TAOK3: variants seen among roughly 807,000 people sequenced by gnomAD.
TAOK3 encodes the protein TAO kinase 3.
TAOK3 carries 40 observed loss-of-function variants against 120.4 expected under a neutral mutation model. That is an observed-to-expected ratio of 0.33 (90% confidence interval 0.26 to 0.43). The LOEUF is 0.43. TAOK3 is among the 20% of genes least tolerant of loss of function. TAOK3 has a pLI of 1.00. For synonymous variants in TAOK3, 355 were observed against 387.5 expected (o/e 0.92, Z 0.99); for missense variants, 821 against 1,112.1 (o/e 0.74, Z 3.72).
chr12:118,197,155 T>G (rs925140568), intron 13 of TAOK3, among the ~76,000 whole-genome samples: 1 of 152,214 alleles, frequency 6.6e-6, no homozygotes, highest in Non-Finnish European at 1.5e-5. Context: ...TTCATATATA[T>G]TCTATTTTTT....
intron 1 of TAOK3, among the ~76,000 whole-genome samples, chr12:118,289,964 A>T (rs2042411910): frequency 6.6e-6 from 1 of 151,902 alleles, no homozygotes; most frequent in African/African-American, 2.4e-5. Flanking sequence ...ATTGCACTCC[A>T]GCCTGGGCAA....
intron 1 of TAOK3, among the ~76,000 whole-genome samples, chr12:118,269,509 T>A (rs1219345788): frequency 6.6e-6 from 1 of 151,496 alleles, no homozygotes; most frequent in Non-Finnish European, 1.5e-5. Flanking sequence ...TAGCTGGGAT[T>A]ACAGGCGTGC....
intron 1 of TAOK3, among the ~76,000 whole-genome samples, chr12:118,363,084 C>T (rs1249640216): frequency 7.0e-6 from 1 of 143,222 alleles, no homozygotes; most frequent in African/African-American, 2.6e-5. Flanking sequence ...CTTTCAAATA[C>T]CAATCTGATA....
intron 17 of TAOK3, among the ~76,000 whole-genome samples, chr12:118,169,452 G>C (rs1055635794): frequency 4.7e-5 from 7 of 149,838 alleles, no homozygotes; most frequent in Admixed American, 1.3e-4. Flanking sequence ...GAGTAGCTGG[G>C]ATTACAGGCG....
At chr12:118,362,420 T>TG (rs2045627229) in intron 1 of TAOK3, among the ~76,000 whole-genome samples, 1 of 151,668 alleles carries the variant, frequency 6.6e-6, no homozygotes, top group Non-Finnish European at 1.5e-5. Flanking sequence ...AAAGCCATCC[T>TG]GGGGTGCATG....
chr12:118,253,510 G>A (rs988840110), intron 3 of TAOK3, among the ~76,000 whole-genome samples: 4 of 151,874 alleles, frequency 2.6e-5, no homozygotes, highest in African/African-American at 9.7e-5. Context: ...GGCCGAGACG[G>A]GTAGATCACC....
intron 15 of TAOK3, among the ~76,000 whole-genome samples, chr12:118,180,664 G>A (rs531668518): frequency 1.3e-3 from 195 of 152,152 alleles, no homozygotes; most frequent in Non-Finnish European, 2.6e-3. Context: ...CTGTAGGCAG[G>A]GATTATCACT....
At position 118,161,354 on chromosome 12, in the gene TAOK3, A is replaced by G. The variant is rs1800937555; in HGVS notation, c.2139+434T>C. Among the ~76,000 whole-genome samples the G allele has an allele frequency of 6.6e-6, 1 of 152,064 alleles. No homozygotes were observed. On this transcript the variant is annotated intron_variant, in intron 18 of 20. Coordinates refer to ENST00000392533, the MANE Select transcript of TAOK3 (RefSeq NM_016281.4). This position sits in a 1 kb window ranked among gnomAD's most constrained non-coding sequence, Gnocchi z 4.5. ...ACTTATAGATTCATTCCTGATGACCATGACAGACATCACTAATAAATGACA... is the reference window on the plus strand; with the variant it reads ...ACTTATAGATTCATTCCTGATGACCGTGACAGACATCACTAATAAATGACA...
At chr12:118,366,847 T>A (rs1289792730) in intron 1 of TAOK3, among the ~76,000 whole-genome samples, 6 of 152,156 alleles carry the variant, frequency 3.9e-5, no homozygotes. Flanking sequence ...CCCAGCACTC[T>A]GGGAGGCTGA....
intron 9 of TAOK3, among the ~76,000 whole-genome samples, chr12:118,229,169 C>T (rs61945188): frequency 0.12 from 18,392 of 151,456 alleles, 1,201 homozygotes; most frequent in Middle Eastern, 0.15. Flanking sequence ...GGCGCAATCT[C>T]GGCTCACTGC....
chr12:118,340,176 A>G (rs1460425534), intron 1 of TAOK3, among the ~76,000 whole-genome samples: 1 of 152,230 alleles, frequency 6.6e-6, no homozygotes, highest in Non-Finnish European at 1.5e-5. Context: ...ATTTCTGTGT[A>G]TATATACATG....
At position 118,152,137 on chromosome 12, in the gene TAOK3, TCTAA is replaced by T. The variant is rs962869501; in HGVS notation, c.2535+86_2535+89del. On this transcript the variant is annotated intron_variant, in intron 20 of 20. Transcript: ENST00000392533. ...TAAGTGAAAAGTGCCCAGTTTAATC[TCTAA>T]CTAAGGAAGGCTGCATATATGGCAG... The T allele has an allele frequency of 1.7e-5, 21 of 1,271,852 alleles. No homozygotes were observed. The East Asian group carries it at 2.1e-4, about 13-fold the overall frequency. The allele number at this position is 1,271,852 out of a possible 1,614,324, so 78.8% of individuals were successfully genotyped here.
intron 17 of TAOK3, 140 bp downstream of exon 17, chr12:118,172,317 T>C: frequency 1.2e-6 from 1 of 838,846 alleles, no homozygotes; most frequent in South Asian, 1.7e-5. Flanking sequence ...TTTTTTTGTA[T>C]ACCTACTCTG....
chr12:118,155,216 G>A (rs919239881), intron 19 of TAOK3, among the ~76,000 whole-genome samples: 3 of 151,902 alleles, frequency 2.0e-5, no homozygotes, highest in Non-Finnish European at 4.4e-5. Flanking sequence ...GGCTGGTCTC[G>A]AACTCCTGAC....
chr12:118,336,298 T>G (rs1033015414), intron 1 of TAOK3, among the ~76,000 whole-genome samples: 1 of 152,192 alleles, frequency 6.6e-6, no homozygotes, highest in Non-Finnish European at 1.5e-5. Flanking sequence ...TACACGGATA[T>G]GTCCATCTGA....
intron 1 of TAOK3, among the ~76,000 whole-genome samples, chr12:118,330,049 A>G (rs748886654): frequency 6.6e-6 from 1 of 152,230 alleles, no homozygotes; most frequent in Non-Finnish European, 1.5e-5. Context: ...GGAAAAATAC[A>G]TCAGGGGTTC....
At chr12:118,305,329 A>G (rs1052708133) in intron 1 of TAOK3, among the ~76,000 whole-genome samples, 3 of 152,124 alleles carry the variant, frequency 2.0e-5, no homozygotes, top group African/African-American at 7.2e-5. Flanking sequence ...AAAAATACAA[A>G]AATTAGCCGG....
intron 1 of TAOK3, among the ~76,000 whole-genome samples, chr12:118,275,211 T>C (rs2041863721): frequency 6.6e-6 from 1 of 152,172 alleles, no homozygotes; most frequent in Non-Finnish European, 1.5e-5. Flanking sequence ...TGATCACAGT[T>C]CACTGTAGCT....
intron 17 of TAOK3, among the ~76,000 whole-genome samples, chr12:118,164,711 C>T (rs564965120): frequency 1.3e-5 from 2 of 152,278 alleles, no homozygotes; most frequent in South Asian, 2.1e-4. Context: ...AGCCACCATG[C>T]CCCAGCCTCA....
Sources: allele counts gnomAD v4.1 joint callset (sites outside exome capture counted in the v4.1 genomes callset), GRCh38; gene constraint gnomAD v4.1.1; non-coding constraint Gnocchi (gnomAD v3.1); transcripts MANE v1.5; gene names NCBI Gene and HGNC (gene_info 2026-07-23, HGNC 2026-07-21).